Variants in ZRANB3 observed in about 807,000 individuals in gnomAD.
ZRANB3 encodes the protein DNA annealing helicase and endonuclease ZRANB3.
A neutral mutation model predicts 133.8 loss-of-function variants in ZRANB3; 125 were observed. That is an observed-to-expected ratio of 0.93 (90% CI 0.81 to 1.08). The LOEUF is 1.08. ZRANB3 is among the 50% of genes least tolerant of loss of function. ZRANB3 has a pLI of 0.00. For synonymous variants in ZRANB3, 387 were observed against 432.7 expected, an observed-to-expected ratio of 0.89 and a Z score of 1.31; for missense variants, 1,229 against 1,275.5, an observed-to-expected ratio of 0.96 and a Z score of 0.56.
chr2:135,230,657 G>C lies in ZRANB3; in HGVS notation c.1810C>G (p.Leu604Val), dbSNP rs753768647. The C allele has an allele frequency of 6.2e-7, 1 of 1,613,776 alleles. No individual in the cohort carries two copies. The highest frequency in any genetic ancestry group is 8.5e-7 in the Non-Finnish European group (1 of 1,179,832). The change falls in exon 13 of 21, where the codon CTC becomes GTC. Residue 604 changes from leucine (L) to valine (V), a missense_variant. Physicochemically the swap from Leu to Val is conservative, Grantham distance 32. Coordinates refer to ENST00000264159, the MANE Select transcript of ZRANB3 (RefSeq NM_032143.4). ...TTGGCCTCCTGTACACTTTCCACGAGTGGAGTTCGGATTTGCTTGGACTGG... is the reference window on the plus strand; with the variant it reads ...TTGGCCTCCTGTACACTTTCCACGACTGGAGTTCGGATTTGCTTGGACTGG... ...PSQSKQIRTP[L>V]VESVQEAKAQ...
intron 2 of ZRANB3, among the ~76,000 whole-genome samples, chr2:135,488,909 C>T (rs531064563): frequency 6.7e-6 from 1 of 149,850 alleles, no homozygotes; most frequent in Non-Finnish European, 1.5e-5. Flanking sequence ...TACTATATAG[C>T]ATAATAAAAC....
At chr2:135,245,335 A>C (rs1220822906) in intron 12 of ZRANB3, among the ~76,000 whole-genome samples, 1 of 152,192 alleles carries the variant, frequency 6.6e-6, no homozygotes, top group Non-Finnish European at 1.5e-5. Context: ...GGTCTCTTTG[A>C]CATTTAGCAG....
At chr2:135,396,791 TTTA>T (rs1687510990) in intron 2 of ZRANB3, among the ~76,000 whole-genome samples, 2 of 152,062 alleles carry the variant, frequency 1.3e-5, no homozygotes, top group African/African-American at 4.8e-5. Flanking sequence ...AAATTGTACA[TTTA>T]AAAATAATTA....
At chr2:135,399,860 T>C (rs1343265469) in intron 2 of ZRANB3, among the ~76,000 whole-genome samples, 1 of 152,240 alleles carries the variant, frequency 6.6e-6, no homozygotes, top group African/African-American at 2.4e-5. Context: ...ATTGTAGCTC[T>C]TTCAGTGTAT....
At chr2:135,408,023 C>T (rs1402048766) in intron 2 of ZRANB3, among the ~76,000 whole-genome samples, 3 of 151,756 alleles carry the variant, frequency 2.0e-5, no homozygotes, top group Non-Finnish European at 4.4e-5. Flanking sequence ...AAACTACCAT[C>T]AGAGTGAACA....
chr2:135,343,171 G>C (rs1267446327), intron 6 of ZRANB3, among the ~76,000 whole-genome samples: 17 of 139,210 alleles, frequency 1.2e-4, no homozygotes, highest in Admixed American at 1.4e-4. Flanking sequence ...GGGCAACAGA[G>C]TGAGACTCTG....
intron 14 of ZRANB3, among the ~76,000 whole-genome samples, chr2:135,226,076 G>C (rs1301180268): frequency 1.3e-5 from 2 of 152,204 alleles, no homozygotes; most frequent in Admixed American, 1.3e-4. Flanking sequence ...TTAATTGGCA[G>C]TTTTCTTTGA....
chr2:135,276,190 A>G (rs766463072), intron 8 of ZRANB3, among the ~76,000 whole-genome samples: 3 of 152,116 alleles, frequency 2.0e-5, no homozygotes, highest in Non-Finnish European at 2.9e-5. Context: ...GGGAAGATTG[A>G]AAACAGTAAG....
chr2:135,290,352 T>C (rs1681624018), intron 8 of ZRANB3, among the ~76,000 whole-genome samples: 2 of 152,236 alleles, frequency 1.3e-5, no homozygotes, highest in Non-Finnish European at 2.9e-5. Context: ...ATAATGTCCC[T>C]GTTTGTCTCT....
chr2:135,330,113 G>T (rs1684062822), intron 6 of ZRANB3, among the ~76,000 whole-genome samples: 1 of 152,170 alleles, frequency 6.6e-6, no homozygotes, highest in African/African-American at 2.4e-5. Flanking sequence ...TGGTGAGAGA[G>T]TGCATCCTTG....
intron 2 of ZRANB3, among the ~76,000 whole-genome samples, chr2:135,398,467 CCTTA>C (rs908986549): frequency 6.6e-6 from 1 of 151,488 alleles, no homozygotes; most frequent in African/African-American, 2.4e-5. Context: ...ATCTTTTTGC[CCTTA>C]CTCTTTTTTT....
intron 6 of ZRANB3, among the ~76,000 whole-genome samples, chr2:135,338,588 C>A (rs1367078176): frequency 6.6e-6 from 1 of 152,206 alleles, no homozygotes; most frequent in Non-Finnish European, 1.5e-5. Flanking sequence ...TACACATATA[C>A]ATTTTAAAAA....
At chr2:135,501,229 A>C (rs1351047881) in intron 2 of ZRANB3, among the ~76,000 whole-genome samples, 6 of 152,132 alleles carry the variant, frequency 3.9e-5, no homozygotes, top group Non-Finnish European at 8.8e-5. Context: ...AAAAAGAATA[A>C]TTCAATGAGT....
intron 2 of ZRANB3, among the ~76,000 whole-genome samples, chr2:135,479,175 A>G (rs1321462293): frequency 6.6e-6 from 1 of 151,704 alleles, no homozygotes; most frequent in Non-Finnish European, 1.5e-5. Flanking sequence ...TTGTTCTTAT[A>G]TATGCATATC....
chr2:135,373,566 C>G (rs1686277957), intron 3 of ZRANB3, among the ~76,000 whole-genome samples: 2 of 151,920 alleles, frequency 1.3e-5, no homozygotes, highest in Non-Finnish European at 2.9e-5. Flanking sequence ...GGCAGGCGGA[C>G]CACTTGAGGC....
chr2:135,340,580 T>A (rs1684604572), intron 6 of ZRANB3, among the ~76,000 whole-genome samples: 1 of 152,140 alleles, frequency 6.6e-6, no homozygotes, highest in Admixed American at 6.6e-5. Context: ...GTGAGGTGGC[T>A]CACACCTGTA....
At chr2:135,219,505 A>C (rs1246198008) in intron 15 of ZRANB3, among the ~76,000 whole-genome samples, 2 of 152,234 alleles carry the variant, frequency 1.3e-5, no homozygotes, top group Admixed American at 1.3e-4. Flanking sequence ...CAAAACAATA[A>C]AATTTGTACA....
intron 2 of ZRANB3, among the ~76,000 whole-genome samples, chr2:135,447,138 G>T (rs1034975893): frequency 6.6e-6 from 1 of 152,092 alleles, no homozygotes; most frequent in Non-Finnish European, 1.5e-5. Flanking sequence ...TCCACCTCCC[G>T]GGTTCAAATG....
intron 2 of ZRANB3, among the ~76,000 whole-genome samples, chr2:135,473,719 T>C (rs1691380329): frequency 6.6e-6 from 1 of 152,210 alleles, no homozygotes; most frequent in African/African-American, 2.4e-5. Context: ...ACCAAGGTCA[T>C]TGTCAAAGAT....
Sources: allele counts gnomAD v4.1 joint callset (sites outside exome capture counted in the v4.1 genomes callset), GRCh38; gene constraint gnomAD v4.1.1; transcripts MANE v1.5; gene names NCBI Gene and HGNC (gene_info 2026-07-23, HGNC 2026-07-21).